KIF26B: variants seen among roughly 807,000 people sequenced by gnomAD.
KIF26B encodes the protein kinesin-like protein KIF26B.
A neutral mutation model predicts 151.2 loss-of-function variants in KIF26B; 63 were observed. That is an observed-to-expected ratio of 0.42 (90% CI 0.34 to 0.51). The LOEUF is 0.51. KIF26B is among the 20% of genes least tolerant of loss of function. The pLI is 0.07. For synonymous variants in KIF26B, 1,357 were observed against 1,262.1 expected, an observed-to-expected ratio of 1.08 and a Z score of -1.59; for missense variants, 2,813 against 2,913.6, an observed-to-expected ratio of 0.97 and a Z score of 0.79.
chr1:245,501,406 G>A (rs1380673687), intron 4 of KIF26B, among the ~76,000 whole-genome samples: 1 of 152,184 alleles, frequency 6.6e-6, no homozygotes, highest in Non-Finnish European at 1.5e-5. Flanking sequence ...CTACTTATTT[G>A]TGGTGGTGAT....
intron 10 of KIF26B, among the ~76,000 whole-genome samples, chr1:245,680,106 TCTTTTGAAC>T (rs372971730): frequency 1.3e-3 from 192 of 152,250 alleles, no homozygotes; most frequent in African/African-American, 4.4e-3. Context: ...CCCTGGAAAC[TCTTTTGAAC>T]CTTTCTCTTT....
At chr1:245,380,854 C>T (rs1456135462) in intron 3 of KIF26B, among the ~76,000 whole-genome samples, 2 of 150,728 alleles carry the variant, frequency 1.3e-5, no homozygotes, top group Non-Finnish European at 2.9e-5. Flanking sequence ...TATTCCTCTG[C>T]ATAGCAGTTT....
chr1:245,695,832 C>A lies in KIF26B; in HGVS notation c.5825-2274C>A, dbSNP rs1407613590. On this transcript the variant is annotated intron_variant, in intron 12 of 14. Transcript: ENST00000407071. ...TCCAGGTGTTTTTACCTTCTCTACT[C>A]CCAGCTCACACGGTGCCCTGGCACG... is the stretch of plus-strand genomic sequence containing the variant. Among the ~76,000 whole-genome samples the A allele has an allele frequency of 3.6e-5, 4 of 110,016 alleles. No individual in the cohort carries two copies. The East Asian group carries it at 9.2e-4, about 25-fold the overall frequency. 72.2% of individuals were successfully genotyped at this position (110,016 alleles called of 152,430 possible).
At position 245,397,325 on chromosome 1, in the gene KIF26B, C is replaced by T. The variant is rs756782192; in HGVS notation, c.1000-22254C>T. Among the ~76,000 whole-genome samples, 53 of 152,088 alleles carry T rather than the reference C, an allele frequency of 3.5e-4. 2 individuals carry two copies. Among genetic ancestry groups the T allele is most frequent in the Non-Finnish European group, 5.9e-5 (4 of 68,016 alleles). On this transcript the variant is annotated intron_variant, in intron 3 of 14. Coordinates refer to ENST00000407071, the MANE Select transcript of KIF26B (RefSeq NM_018012.4). ...CCACTTCCTGGGTTCAAGCAATTCT[C>T]CTGCCTCAGCCTCCCAAGTAGCTGG...
chr1:245,354,604 C>G (rs1672642382), intron 2 of KIF26B, among the ~76,000 whole-genome samples: 1 of 152,230 alleles, frequency 6.6e-6, no homozygotes, highest in Non-Finnish European at 1.5e-5. Flanking sequence ...TGCATTCCAC[C>G]AGCCCGTGGG....
intron 2 of KIF26B, among the ~76,000 whole-genome samples, chr1:245,332,689 T>C (rs1370621845): frequency 6.6e-6 from 1 of 152,156 alleles, no homozygotes; most frequent in Non-Finnish European, 1.5e-5. Context: ...CTTATGTGTG[T>C]CATGCTTTGC....
intron 2 of KIF26B, among the ~76,000 whole-genome samples, chr1:245,237,557 G>C (rs1284041456): frequency 6.6e-6 from 1 of 152,114 alleles, no homozygotes; most frequent in Non-Finnish European, 1.5e-5. Flanking sequence ...CCGGGGCCCA[G>C]GGGGTCTATG....
intron 4 of KIF26B, among the ~76,000 whole-genome samples, chr1:245,535,454 G>A (rs1017017925): frequency 6.6e-6 from 1 of 152,088 alleles, no homozygotes; most frequent in East Asian, 1.9e-4. Context: ...TGAAGCCAAC[G>A]GAGGCTTTCC....
At chr1:245,584,087 G>C (rs2043202267) in intron 5 of KIF26B, among the ~76,000 whole-genome samples, 1 of 152,186 alleles carries the variant, frequency 6.6e-6, no homozygotes, top group African/African-American at 2.4e-5. Flanking sequence ...GGCGGGAGGT[G>C]ACTGCATCAT....
At chr1:245,587,997 C>T (rs2043245698) in intron 5 of KIF26B, among the ~76,000 whole-genome samples, 1 of 152,218 alleles carries the variant, frequency 6.6e-6, no homozygotes, top group Admixed American at 6.5e-5. Flanking sequence ...TTCTCAAATG[C>T]AGGAGTCTGC....
intron 5 of KIF26B, among the ~76,000 whole-genome samples, chr1:245,580,333 CAG>C (rs1306933384): frequency 6.6e-6 from 1 of 152,160 alleles, no homozygotes; most frequent in Non-Finnish European, 1.5e-5. Context: ...CAAATGCAAA[CAG>C]AGAAAAAGAT....
At chr1:245,681,098 T>C (rs2044429990) in intron 10 of KIF26B, among the ~76,000 whole-genome samples, 1 of 151,910 alleles carries the variant, frequency 6.6e-6, no homozygotes, top group Non-Finnish European at 1.5e-5. Context: ...GGGGGTCTAG[T>C]GTTAATGAAT....
chr1:245,481,753 T>C (rs1029351597), intron 4 of KIF26B, among the ~76,000 whole-genome samples: 5 of 151,614 alleles, frequency 3.3e-5, no homozygotes, highest in Non-Finnish European at 5.9e-5. Flanking sequence ...TTATCATTAC[T>C]GAGTGCTAAG....
chr1:245,555,075 G>A (rs936271493), intron 5 of KIF26B, among the ~76,000 whole-genome samples: 3 of 152,122 alleles, frequency 2.0e-5, no homozygotes, highest in Non-Finnish European at 2.9e-5. Context: ...TGCCTTTGCC[G>A]CAGAGGGAGA....
chr1:245,618,205 T>C (rs2043614685), intron 9 of KIF26B, among the ~76,000 whole-genome samples: 2 of 152,198 alleles, frequency 1.3e-5, no homozygotes, highest in Admixed American at 6.5e-5. Context: ...ATTTCAGCAG[T>C]GTGGGGGATG....
rs1671854207 is a variant in KIF26B, at chr1:245,319,931, T to C, written c.466-46903T>C. Among the ~76,000 whole-genome samples, 11 of 152,356 alleles carry C rather than the reference T, an allele frequency of 7.2e-5. No homozygotes were observed. The South Asian group carries it at 1.4e-3, about 20-fold the overall frequency. ...CTTACGTGCGAATGATTTGGGAGTATAAGAACACAGACTCAGTGTCATCAT... is the reference window on the plus strand; with the variant it reads ...CTTACGTGCGAATGATTTGGGAGTACAAGAACACAGACTCAGTGTCATCAT... On this transcript the variant is annotated intron_variant, in intron 2 of 14. Transcript: ENST00000407071.
intron 4 of KIF26B, among the ~76,000 whole-genome samples, chr1:245,446,017 A>G (rs552199968): frequency 6.6e-6 from 1 of 152,348 alleles, no homozygotes; most frequent in East Asian, 1.9e-4. Context: ...GTCACTTAAT[A>G]ACATACACGT....
In KIF26B at chr1:245,244,467, C is replaced by T. The variant is rs1670275998; in HGVS notation, c.465+87784C>T. Among the ~76,000 whole-genome samples the T allele has an allele frequency of 1.3e-5, 2 of 152,088 alleles. No homozygotes were observed. The highest frequency in any genetic ancestry group is 2.1e-4 in the South Asian group (1 of 4,822). ...TTAAAGTTCTGTGACTATGGGATGG[C>T]ACTCTAAGCTTCAGCTGCAGTTGGG... On this transcript the variant is annotated intron_variant, in intron 2 of 14. Transcript: ENST00000407071. This position sits in a 1 kb window ranked among gnomAD's most constrained non-coding sequence, Gnocchi z 4.2.
rs988927678 is a variant in KIF26B, at chr1:245,155,148, G to A, written c.-277G>A. 22 of 546,536 alleles carry A rather than the reference G, an allele frequency of 4.0e-5. No individual in the cohort carries two copies. The highest frequency in any genetic ancestry group is 6.3e-5 in the Non-Finnish European group (20 of 316,520). 33.9% of individuals were successfully genotyped at this position (546,536 alleles called of 1,614,324 possible). ...AAATGCCAGTTCTGTGGATGTGGCCGTGACAAGAGGACGTGCGGCTGGAAG... is the reference window on the plus strand; with the variant it reads ...AAATGCCAGTTCTGTGGATGTGGCCATGACAAGAGGACGTGCGGCTGGAAG... On this transcript the variant is annotated 5_prime_UTR_variant, in exon 1 of 15. It adds an upstream start codon to the 5' untranslated region. Transcript: ENST00000407071.
Sources: allele counts gnomAD v4.1 joint callset (sites outside exome capture counted in the v4.1 genomes callset), GRCh38; gene constraint gnomAD v4.1.1; non-coding constraint Gnocchi (gnomAD v3.1); transcripts MANE v1.5; gene names NCBI Gene and HGNC (gene_info 2026-07-23, HGNC 2026-07-21).